Variants in INPP4B observed in about 807,000 individuals in gnomAD.
INPP4B encodes the protein inositol polyphosphate-4-phosphatase type II B, also known as inositol polyphosphate 4-phosphatase type II.
Under a neutral mutation model 122.5 loss-of-function variants are expected in INPP4B, and 55 were observed. That is an observed-to-expected ratio of 0.45 (90% confidence interval 0.36 to 0.56). INPP4B has a LOEUF of 0.56. Ranked by LOEUF, INPP4B falls within the 20% of genes least tolerant of loss-of-function variation. The probability of loss-of-function intolerance (pLI) is 0.00; values close to 1 mark genes in which losing one functional copy is unlikely to be tolerated. For missense variants in INPP4B, 1,000 were observed against 1,097.7 expected (o/e 0.91, Z 1.26); for synonymous variants, 403 against 388.7 (o/e 1.04, Z -0.43).
chr4:142,659,362 C>G (rs779364172), intron 2 of INPP4B, among the ~76,000 whole-genome samples: 1 of 151,604 alleles, frequency 6.6e-6, no homozygotes, highest in African/African-American at 2.4e-5. Flanking sequence ...GCCAAGATCA[C>G]GCCACTGCAC....
At chr4:142,329,601 T>C (rs1350171314) in intron 7 of INPP4B, among the ~76,000 whole-genome samples, 2 of 152,208 alleles carry the variant, frequency 1.3e-5, no homozygotes, top group African/African-American at 4.8e-5. Flanking sequence ...TTAGAGCTTA[T>C]TTATCATCAT....
intron 23 of INPP4B, among the ~76,000 whole-genome samples, chr4:142,100,952 T>C (rs1784210581): frequency 6.6e-6 from 1 of 152,088 alleles, no homozygotes; most frequent in African/African-American, 2.4e-5. Flanking sequence ...AGAAAAATGA[T>C]TAATAACTTA....
At chr4:142,174,395 C>T (rs1827039950) in intron 15 of INPP4B, among the ~76,000 whole-genome samples, 1 of 151,996 alleles carries the variant, frequency 6.6e-6, no homozygotes, top group East Asian at 1.9e-4. Flanking sequence ...TAACATTTCC[C>T]CCCATGTTAC....
intron 10 of INPP4B, among the ~76,000 whole-genome samples, chr4:142,262,656 G>A (rs1366087684): frequency 6.6e-6 from 1 of 151,952 alleles, no homozygotes; most frequent in African/African-American, 2.4e-5. Flanking sequence ...CTGGTTCATT[G>A]CTGAATCCCC....
intron 12 of INPP4B, among the ~76,000 whole-genome samples, chr4:142,209,825 TAATA>T (rs1844158431): frequency 8.4e-6 from 1 of 119,060 alleles, no homozygotes; most frequent in Admixed American, 8.6e-5. Context: ...AAAGCCCAGA[TAATA>T]AATAAATGGT....
chr4:142,130,526 A>C (rs1198287003), intron 18 of INPP4B, among the ~76,000 whole-genome samples: 1 of 152,144 alleles, frequency 6.6e-6, no homozygotes, highest in Non-Finnish European at 1.5e-5. Context: ...AAGAGCTAAG[A>C]AGCAAGGCCA....
intron 2 of INPP4B, among the ~76,000 whole-genome samples, chr4:142,692,575 C>T (rs536867087): frequency 6.6e-6 from 1 of 152,310 alleles, no homozygotes; most frequent in South Asian, 2.1e-4. Flanking sequence ...ATTAAAGGGA[C>T]ACAAAGTAAT....
At chr4:142,668,290 A>G (rs960695339) in intron 2 of INPP4B, among the ~76,000 whole-genome samples, 2 of 149,566 alleles carry the variant, frequency 1.3e-5, no homozygotes, top group African/African-American at 2.6e-5. Flanking sequence ...CAGAAAAAAT[A>G]TTTTAAAAAT....
chr4:142,784,320 G>A (rs1432623088), intron 1 of INPP4B, among the ~76,000 whole-genome samples: 1 of 151,618 alleles, frequency 6.6e-6, no homozygotes, highest in Non-Finnish European at 1.5e-5. Context: ...CTGAGATCAT[G>A]CCACTGCACT....
intron 2 of INPP4B, among the ~76,000 whole-genome samples, chr4:142,526,932 T>A (rs1380258410): frequency 6.6e-6 from 1 of 152,070 alleles, no homozygotes; most frequent in Non-Finnish European, 1.5e-5. Context: ...ATTTCAAATA[T>A]TTTAGACAGA....
At chr4:142,370,328 T>C (rs1789391444) in intron 7 of INPP4B, among the ~76,000 whole-genome samples, 1 of 152,182 alleles carries the variant, frequency 6.6e-6, no homozygotes, top group South Asian at 2.1e-4. Flanking sequence ...TCTGTGGAGA[T>C]TGTCTGGAGT....
chr4:142,290,050 A>G (rs1179966546), intron 9 of INPP4B, among the ~76,000 whole-genome samples: 1 of 151,978 alleles, frequency 6.6e-6, no homozygotes, highest in African/African-American at 2.4e-5. Flanking sequence ...TCTGATCCCA[A>G]CACAGCATAA....
intron 7 of INPP4B, among the ~76,000 whole-genome samples, chr4:142,328,896 T>A (rs1178442679): frequency 6.6e-6 from 1 of 152,176 alleles, no homozygotes; most frequent in Non-Finnish European, 1.5e-5. Flanking sequence ...TACATTAATC[T>A]TACCCTTTTT....
chr4:142,279,822 G>T (rs1421959996), intron 9 of INPP4B, among the ~76,000 whole-genome samples: 1 of 151,826 alleles, frequency 6.6e-6, no homozygotes, highest in Non-Finnish European at 1.5e-5. Context: ...CTACTGACTT[G>T]GAGAAAACAT....
chr4:142,442,782 T>C (rs1812094707), intron 3 of INPP4B, among the ~76,000 whole-genome samples: 1 of 152,178 alleles, frequency 6.6e-6, no homozygotes, highest in Non-Finnish European at 1.5e-5. Context: ...TAGTCTGTTC[T>C]CACACTGATA....
At chr4:142,836,968 C>A (rs1782863956) in intron 1 of INPP4B, among the ~76,000 whole-genome samples, 2 of 151,922 alleles carry the variant, frequency 1.3e-5, no homozygotes, top group South Asian at 4.2e-4. Context: ...GAGTTCGTAA[C>A]CAGCCTCACC....
At chr4:142,661,374 T>G in intron 2 of INPP4B, among the ~76,000 whole-genome samples, 1 of 152,240 alleles carries the variant, frequency 6.6e-6, no homozygotes, top group South Asian at 2.1e-4. Flanking sequence ...GTTTGTATTC[T>G]GCAGGAGAAG....
chr4:142,737,826 G>A (rs1416750755), intron 1 of INPP4B, among the ~76,000 whole-genome samples: 1 of 152,154 alleles, frequency 6.6e-6, no homozygotes, highest in Admixed American at 6.5e-5. Flanking sequence ...CTCAAAAGAA[G>A]ACATTTATGC....
At chr4:142,688,986 C>A (rs1394659834) in intron 2 of INPP4B, among the ~76,000 whole-genome samples, 2 of 152,190 alleles carry the variant, frequency 1.3e-5, no homozygotes, top group African/African-American at 2.4e-5. Flanking sequence ...CTCATGATTT[C>A]ATCTCTGATC....
Sources: gnomAD v4.1 joint callset for allele counts (sites outside exome capture counted in the v4.1 genomes callset) on GRCh38, gnomAD v4.1.1 for gene constraint, MANE v1.5 for transcripts, NCBI Gene and HGNC (gene_info 2026-07-23, HGNC 2026-07-21) for gene names.